The following BLNK variants were observed in gnomAD, a reference collection of about 807,000 sequenced individuals.
The protein encoded by BLNK is B cell linker.
In BLNK, 29 loss-of-function variants were observed where a neutral mutation model predicts 73.5. The ratio of observed to expected loss-of-function variants is 0.39; its 90% confidence interval spans 0.29 to 0.54. The LOEUF is 0.54. Ranked by LOEUF, BLNK falls within the 20% of genes least tolerant of loss-of-function variation. The pLI is 0.61. For synonymous variants in BLNK, 176 were observed against 200.8 expected (o/e 0.88, Z 1.04); for missense variants, 460 against 562.8 (o/e 0.82, Z 1.85).
chr10:96,222,622 T>A (rs1286317930), intron 6 of BLNK, among the ~76,000 whole-genome samples: 9 of 152,172 alleles, frequency 5.9e-5, no homozygotes, highest in African/African-American at 2.2e-4. Flanking sequence ...TCTGGACACC[T>A]GCTGGGGCAG....
At chr10:96,236,552 G>T (rs1842697583) in intron 3 of BLNK, among the ~76,000 whole-genome samples, 1 of 152,132 alleles carries the variant, frequency 6.6e-6, no homozygotes, top group Admixed American at 6.5e-5. Flanking sequence ...CAGGCATGGT[G>T]GGCTCACACC....
intron 6 of BLNK, among the ~76,000 whole-genome samples, chr10:96,221,170 A>G (rs1341791324): frequency 6.6e-6 from 1 of 152,152 alleles, no homozygotes. Context: ...CTGATGATAG[A>G]CTTCATAGGG....
intron 13 of BLNK, among the ~76,000 whole-genome samples, chr10:96,201,422 C>A (rs1554896120): frequency 6.6e-6 from 1 of 152,152 alleles, no homozygotes; most frequent in East Asian, 1.9e-4. Context: ...TAATGCCACT[C>A]TTTTCCCTAA....
At chr10:96,268,930 C>T (rs1343028847) in intron 1 of BLNK, among the ~76,000 whole-genome samples, 2 of 152,168 alleles carry the variant, frequency 1.3e-5, no homozygotes, top group African/African-American at 4.8e-5. Flanking sequence ...CAAATAATTA[C>T]ATGGTTAATC....
intron 2 of BLNK, among the ~76,000 whole-genome samples, chr10:96,245,702 G>T (rs1394310733): frequency 6.6e-6 from 1 of 152,158 alleles, no homozygotes; most frequent in East Asian, 1.9e-4. Context: ...AACCAACAAA[G>T]CAAGTTGGTA....
chr10:96,209,950 G>T, intron 8 of BLNK, 43 bp from the exon 9 acceptor site: 2 of 1,601,718 alleles, frequency 1.2e-6, no homozygotes, highest in Non-Finnish European at 1.7e-6. Flanking sequence ...GTCCTGAGCC[G>T]GGGGCTGATG....
chr10:96,226,012 G>A (rs1842242816), intron 5 of BLNK, among the ~76,000 whole-genome samples: 2 of 152,134 alleles, frequency 1.3e-5, no homozygotes. Flanking sequence ...CCCCAGGGTT[G>A]CTGTGATGAT....
chr10:96,263,553 G>A (rs549722448), intron 1 of BLNK, among the ~76,000 whole-genome samples: 1 of 132,694 alleles, frequency 7.5e-6, no homozygotes, highest in African/African-American at 2.5e-5. Context: ...GCTGCAAAAG[G>A]GTTGTGAAAA....
intron 1 of BLNK, among the ~76,000 whole-genome samples, chr10:96,247,969 C>A (rs1554908059): frequency 6.6e-6 from 1 of 152,172 alleles, no homozygotes; most frequent in Non-Finnish European, 1.5e-5. Flanking sequence ...TTCAGTAAAT[C>A]TATGCTTTCA....
intron 16 of BLNK, among the ~76,000 whole-genome samples, chr10:96,193,666 A>G (rs1239402821): frequency 6.6e-6 from 1 of 152,246 alleles, no homozygotes; most frequent in Non-Finnish European, 1.5e-5. Context: ...AGATACATTC[A>G]GTGTATTTGT....
intron 1 of BLNK, among the ~76,000 whole-genome samples, chr10:96,270,469 G>C (rs1357428734): frequency 1.3e-5 from 2 of 152,136 alleles, no homozygotes; most frequent in Middle Eastern, 3.2e-3. Flanking sequence ...CTGTCAAGGT[G>C]GGGGACTAGG....
intron 15 of BLNK, among the ~76,000 whole-genome samples, chr10:96,197,537 C>T (rs1338318329): frequency 1.3e-5 from 2 of 152,028 alleles, no homozygotes; most frequent in African/African-American, 4.8e-5. Flanking sequence ...TGTGAAGGGA[C>T]ACATTAAGAT....
chr10:96,260,246 G>C (rs1248125355), intron 1 of BLNK, among the ~76,000 whole-genome samples: 1 of 152,182 alleles, frequency 6.6e-6, no homozygotes, highest in Non-Finnish European at 1.5e-5. Flanking sequence ...AGAACACTAA[G>C]AGGTCATGTC....
chr10:96,230,755 G>A (rs183214434), intron 4 of BLNK, 39 bp downstream of exon 4: 18 of 1,595,758 alleles, frequency 1.1e-5, no homozygotes, highest in Admixed American at 3.5e-5. Flanking sequence ...CCTCCCATGG[G>A]ACCCTGATGC....
chr10:96,207,775 G>A, intron 10 of BLNK, 97 bp downstream of exon 10: 1 of 1,441,976 alleles, frequency 6.9e-7, no homozygotes, highest in Non-Finnish European at 9.7e-7. Flanking sequence ...AGATTGCTGT[G>A]TTCACCATAG....
At position 96,247,161 on chromosome 10, in the gene BLNK, C is replaced by G. The variant is rs1393117072; in HGVS notation, c.48-112G>C. On this transcript the variant is annotated intron_variant, in intron 1 of 16. Transcript: ENST00000224337. ...GGGGAAAAAACTCTACCAAAACAAC[C>G]TCCAAATAGGATGAATTATATTGTA... is the stretch of plus-strand genomic sequence containing the variant. The G allele has an allele frequency of 5.7e-6, 4 of 703,122 alleles. No individual in the cohort carries two copies. In the Admixed American group the frequency reaches 9.8e-5, roughly 17 times the overall value. The allele number at this position is 703,122 out of a possible 1,614,324, so 43.6% of individuals were successfully genotyped here. A position where few individuals can be genotyped will look rare whatever the true frequency, so the allele number is the denominator to read the frequency against.
At position 96,252,304 on chromosome 10, in the gene BLNK, G is replaced by A. The variant is rs570219898; in HGVS notation, c.48-5255C>T. On this transcript the variant is annotated intron_variant, in intron 1 of 16. Coordinates refer to ENST00000224337, the MANE Select transcript of BLNK (RefSeq NM_013314.4). Reference sequence around the variant, plus strand: ...CTGACCTCGTGATCTGCCTGCCCCGGGCTCCCAAAGTGCTGGGATTACAGG... The same window carrying A: ...CTGACCTCGTGATCTGCCTGCCCCGAGCTCCCAAAGTGCTGGGATTACAGG... Among the ~76,000 whole-genome samples, 6 of 152,232 alleles carry A rather than the reference G, an allele frequency of 3.9e-5. No homozygotes were observed. The South Asian group carries it at 1.2e-3, about 32-fold the overall frequency.
intron 1 of BLNK, among the ~76,000 whole-genome samples, chr10:96,255,115 G>A (rs1228699584): frequency 6.6e-6 from 1 of 152,142 alleles, no homozygotes; most frequent in Non-Finnish European, 1.5e-5. Context: ...AGAGCACAAG[G>A]AGAGGAATCC....
intron 6 of BLNK, among the ~76,000 whole-genome samples, chr10:96,217,352 G>A (rs2084091796): frequency 6.6e-6 from 1 of 152,090 alleles, no homozygotes; most frequent in African/African-American, 2.4e-5. Context: ...GAGTCATATG[G>A]TAGCTCTAAG....
Sources: allele counts gnomAD v4.1 joint callset (sites outside exome capture counted in the v4.1 genomes callset), GRCh38; gene constraint gnomAD v4.1.1; transcripts MANE v1.5; gene names NCBI Gene and HGNC (gene_info 2026-07-23, HGNC 2026-07-21).